Variants in PRMT3 observed in about 807,000 individuals in gnomAD.
The protein encoded by PRMT3 is protein arginine N-methyltransferase 3.
PRMT3 carries 62 observed loss-of-function variants against 71.9 expected under a neutral mutation model. The observed-to-expected ratio is 0.86, with a 90% confidence interval of 0.70 to 1.07. The LOEUF (loss-of-function observed/expected upper bound fraction) is 1.07. Among genes scored for constraint, PRMT3 ranks in the 50% least tolerant of loss-of-function variants. The probability of loss-of-function intolerance (pLI) is 0.00; values close to 1 mark genes in which losing one functional copy is unlikely to be tolerated. For missense variants in PRMT3, 663 were observed against 643.0 expected, an observed-to-expected ratio of 1.03 and a Z score of -0.34; for synonymous variants, 213 against 220.4, an observed-to-expected ratio of 0.97 and a Z score of 0.30.
chr11:20,476,089 C>T (rs1046162596), intron 13 of PRMT3, among the ~76,000 whole-genome samples: 4 of 151,910 alleles, frequency 2.6e-5, no homozygotes, highest in Non-Finnish European at 5.9e-5. Context: ...GTGGCTCATG[C>T]CTGTAATTCT....
chr11:20,398,825 C>A (rs1848888446), intron 7 of PRMT3, among the ~76,000 whole-genome samples: 2 of 152,136 alleles, frequency 1.3e-5, no homozygotes, highest in Admixed American at 6.5e-5. Context: ...AGGCTATATA[C>A]CATCTCCATT....
intron 13 of PRMT3, among the ~76,000 whole-genome samples, chr11:20,467,492 G>T (rs185548550): frequency 6.6e-6 from 1 of 152,152 alleles, no homozygotes; most frequent in Non-Finnish European, 1.5e-5. Flanking sequence ...CTATGAATAA[G>T]ATCTTACAGG....
At chr11:20,402,812 C>T (rs1848978746) in intron 7 of PRMT3, 107 bp from the exon 8 acceptor site, 1 of 725,612 alleles carries the variant, frequency 1.4e-6, no homozygotes. Context: ...GGTATAAAAA[C>T]TGCTATGGAA....
intron 11 of PRMT3, among the ~76,000 whole-genome samples, chr11:20,453,433 T>A (rs1161270211): frequency 6.8e-6 from 1 of 146,876 alleles, no homozygotes; most frequent in Non-Finnish European, 1.5e-5. Context: ...TGAGAGGAGA[T>A]CCTGCCACTG....
At chr11:20,414,375 A>AT (rs1338423033) in intron 9 of PRMT3, among the ~76,000 whole-genome samples, 8 of 152,068 alleles carry the variant, frequency 5.3e-5, no homozygotes, top group African/African-American at 1.9e-4. Context: ...AACAATATAG[A>AT]TTTTCTGAGA....
intron 13 of PRMT3, among the ~76,000 whole-genome samples, chr11:20,492,297 G>A (rs1851226699): frequency 6.6e-6 from 1 of 152,218 alleles, no homozygotes; most frequent in African/African-American, 2.4e-5. Context: ...GAATTGGTCT[G>A]TGAAGGGGTA....
intron 10 of PRMT3, among the ~76,000 whole-genome samples, chr11:20,442,088 C>T (rs1043190327): frequency 9.9e-5 from 15 of 152,196 alleles, no homozygotes; most frequent in Admixed American, 2.0e-4. Context: ...CCACTGTGCC[C>T]GGCTAGTTTC....
Position 20,387,790 on chromosome 11 carries a change from C to G in PRMT3, c.28+16C>G. ...GGCGCTACCGGTGGGTACCCTGGCC[C>G]CTCAGCACCCGGCTCGTCCAGCCCC... On this transcript the variant is annotated intron_variant, in intron 1 of 15. Transcript: ENST00000331079. This position sits in a 1 kb window ranked among gnomAD's most constrained non-coding sequence, Gnocchi z 4.3. 1 of 1,541,900 alleles carries G rather than the reference C, an allele frequency of 6.5e-7. No homozygotes were observed. The highest frequency in any genetic ancestry group is 1.2e-5 in the South Asian group (1 of 83,908).
At chr11:20,420,012 A>T (rs1050827639) in intron 9 of PRMT3, among the ~76,000 whole-genome samples, 2 of 152,132 alleles carry the variant, frequency 1.3e-5, no homozygotes, top group African/African-American at 4.8e-5. Flanking sequence ...TCTCTACTAA[A>T]AATACAAAAA....
chr11:20,478,127 A>C (rs1265091456), intron 13 of PRMT3, among the ~76,000 whole-genome samples: 1 of 152,130 alleles, frequency 6.6e-6, no homozygotes, highest in Non-Finnish European at 1.5e-5. Context: ...ATTTAGACCT[A>C]TTTGCAAGTA....
chr11:20,496,705 A>G (rs1851342656), intron 15 of PRMT3, among the ~76,000 whole-genome samples: 2 of 152,182 alleles, frequency 1.3e-5, no homozygotes, highest in South Asian at 4.1e-4. Flanking sequence ...TAGATTTTAC[A>G]AAGCTGAGTG....
intron 10 of PRMT3, among the ~76,000 whole-genome samples, chr11:20,441,263 T>TTTTA (rs3044625): frequency 0.012 from 1,620 of 138,116 alleles, 17 homozygotes; most frequent in South Asian, 0.026. Context: ...GTTACTAACT[T>TTTTA]TTTATTTATT....
At chr11:20,404,160 A>AG (rs1397333142) in intron 8 of PRMT3, among the ~76,000 whole-genome samples, 6 of 32,914 alleles carry the variant, frequency 1.8e-4, no homozygotes, top group Non-Finnish European at 5.4e-4. Flanking sequence ...TTTTATATTT[A>AG]GTTTTTTTTT....
rs1850883649 is a variant in PRMT3, at chr11:20,479,685, A to T, written c.1348-14234A>T. On this transcript the variant is annotated intron_variant, in intron 13 of 15. Coordinates refer to ENST00000331079, the MANE Select transcript of PRMT3 (RefSeq NM_005788.4). ...ATTTTTGATAGTATTTTTTTAAAGA[A>T]TCTCACAACAATAAGAAACGCCTAA... Among the ~76,000 whole-genome samples, 14 of 152,280 alleles carry T rather than the reference A, an allele frequency of 9.2e-5. No individual in the cohort carries two copies. In the South Asian group the frequency reaches 2.9e-3, roughly 32 times the overall value.
At chr11:20,507,665 G>T (rs1378846975) in intron 15 of PRMT3, among the ~76,000 whole-genome samples, 1 of 152,086 alleles carries the variant, frequency 6.6e-6, no homozygotes, top group African/African-American at 2.4e-5. Flanking sequence ...TGTAATCCCA[G>T]CTACTTGGGA....
intron 10 of PRMT3, among the ~76,000 whole-genome samples, chr11:20,435,080 G>C (rs1447489963): frequency 6.6e-6 from 1 of 152,026 alleles, no homozygotes; most frequent in Non-Finnish European, 1.5e-5. Context: ...TGCTTTTGTT[G>C]TTTGTGCTTT....
intron 7 of PRMT3, among the ~76,000 whole-genome samples, chr11:20,401,799 T>C (rs912995738): frequency 6.6e-6 from 1 of 152,204 alleles, no homozygotes; most frequent in Non-Finnish European, 1.5e-5. Flanking sequence ...GCATAAATGT[T>C]AGAGTTACAT....
chr11:20,506,525 C>G (rs1238462498), intron 15 of PRMT3, among the ~76,000 whole-genome samples: 1 of 151,886 alleles, frequency 6.6e-6, no homozygotes, highest in African/African-American at 2.4e-5. Flanking sequence ...GAGAAGGTAT[C>G]AGTAATGGAA....
intron 5 of PRMT3, among the ~76,000 whole-genome samples, 182 bp downstream of exon 5, chr11:20,393,181 G>T (rs1406303476): frequency 3.9e-5 from 6 of 152,186 alleles, no homozygotes; most frequent in African/African-American, 1.4e-4. Flanking sequence ...AGGTGTGGCG[G>T]CTCACGCCTG....
Sources: allele counts gnomAD v4.1 joint callset (sites outside exome capture counted in the v4.1 genomes callset), GRCh38; gene constraint gnomAD v4.1.1; non-coding constraint Gnocchi (gnomAD v3.1); transcripts MANE v1.5; gene names NCBI Gene and HGNC (gene_info 2026-07-23, HGNC 2026-07-21).